Variants in PTPRD observed in about 807,000 individuals in gnomAD.
The protein encoded by PTPRD is receptor-type tyrosine-protein phosphatase delta.
Under a neutral mutation model 214.5 loss-of-function variants are expected in PTPRD, and 34 were observed. The ratio of observed to expected loss-of-function variants is 0.16; its 90% CI spans 0.12 to 0.21. The LOEUF is 0.21. PTPRD is among the 10% of genes least tolerant of loss of function. The pLI, the probability that PTPRD is intolerant of heterozygous loss-of-function variation, is 1.00. For synonymous variants in PTPRD, 1,128 were observed against 845.7 expected (o/e 1.33, Z -5.79); for missense variants, 2,545 against 2,398.7 (o/e 1.06, Z -1.27).
At chr9:9,021,849 T>C (rs976604649) in intron 10 of PTPRD, among the ~76,000 whole-genome samples, 1 of 152,180 alleles carries the variant, frequency 6.6e-6, no homozygotes, top group Non-Finnish European at 1.5e-5. Context: ...CAATGTGTGC[T>C]TTAAGCTAAG....
intron 8 of PTPRD, among the ~76,000 whole-genome samples, chr9:9,438,816 G>A (rs939352780): frequency 6.6e-6 from 1 of 152,062 alleles, no homozygotes; most frequent in African/African-American, 2.4e-5. Context: ...TTCTTTCAAA[G>A]TATAAATGCA....
chr9:9,971,860 T>C (rs2095120565), intron 4 of PTPRD, among the ~76,000 whole-genome samples: 1 of 152,180 alleles, frequency 6.6e-6, no homozygotes, highest in South Asian at 2.1e-4. Context: ...ATATTTGGGA[T>C]GGGTCACAAA....
chr9:8,513,738 C>T (rs755409360), intron 21 of PTPRD, among the ~76,000 whole-genome samples: 20 of 151,960 alleles, frequency 1.3e-4, no homozygotes, highest in Non-Finnish European at 2.1e-4. Flanking sequence ...AGGAGCAGCT[C>T]GGCATTAATT....
chr9:10,060,568 T>C (rs1296328419), intron 3 of PTPRD, among the ~76,000 whole-genome samples: 3 of 152,030 alleles, frequency 2.0e-5, no homozygotes, highest in Non-Finnish European at 2.9e-5. Context: ...CAAAGTATTT[T>C]TTTAATGTAC....
At chr9:8,345,072 G>A (rs10118873) in intron 39 of PTPRD, among the ~76,000 whole-genome samples, 139,252 of 152,024 alleles carry the variant, frequency 0.92, 63,808 homozygotes, top group East Asian at 0.94. Flanking sequence ...TCTTGCTTTC[G>A]TCTACTCTCT....
chr9:8,616,276 G>A (rs2063183489), intron 14 of PTPRD, among the ~76,000 whole-genome samples: 2 of 152,074 alleles, frequency 1.3e-5, no homozygotes, highest in Non-Finnish European at 2.9e-5. Context: ...AAGCTTATGG[G>A]AATGTCGAGA....
chr9:9,334,607 C>T (rs1307650445), intron 9 of PTPRD, among the ~76,000 whole-genome samples: 2 of 151,964 alleles, frequency 1.3e-5, no homozygotes, highest in Non-Finnish European at 2.9e-5. Flanking sequence ...CTCCTTATCT[C>T]TCTGTGCCTG....
At chr9:9,984,217 G>T (rs1042495244) in intron 4 of PTPRD, among the ~76,000 whole-genome samples, 1 of 152,106 alleles carries the variant, frequency 6.6e-6, no homozygotes, top group Non-Finnish European at 1.5e-5. Flanking sequence ...GTCTGATCAT[G>T]AGAAAGAAAC....
intron 3 of PTPRD, among the ~76,000 whole-genome samples, chr9:10,293,149 T>C (rs2095576949): frequency 6.6e-6 from 1 of 151,930 alleles, no homozygotes; most frequent in Non-Finnish European, 1.5e-5. Flanking sequence ...AATTTCATTC[T>C]TGAAATCTCT....
chr9:10,553,988 T>C (rs1169005116), intron 2 of PTPRD, among the ~76,000 whole-genome samples: 1 of 152,208 alleles, frequency 6.6e-6, no homozygotes, highest in Non-Finnish European at 1.5e-5. Context: ...TAATATCCCC[T>C]TTATTATATT....
chr9:9,400,356 T>C (rs556602980), intron 8 of PTPRD, among the ~76,000 whole-genome samples: 1 of 152,048 alleles, frequency 6.6e-6, no homozygotes, highest in South Asian at 2.1e-4. Context: ...AATATTTAAA[T>C]GTCCCCAGTA....
At chr9:9,782,044 G>C (rs2098848420) in intron 5 of PTPRD, among the ~76,000 whole-genome samples, 1 of 152,008 alleles carries the variant, frequency 6.6e-6, no homozygotes, top group African/African-American at 2.4e-5. Flanking sequence ...TGCCGTCTCA[G>C]CCTCCCAAAG....
At chr9:8,643,338 G>C (rs533843520) in intron 12 of PTPRD, among the ~76,000 whole-genome samples, 73 of 151,790 alleles carry the variant, frequency 4.8e-4, no homozygotes, top group Middle Eastern at 6.8e-3. Context: ...AGTAATATAG[G>C]TATTAGGAAG....
chr9:10,143,307 T>TAAAAAAA (rs2099000190), intron 3 of PTPRD, among the ~76,000 whole-genome samples: 1 of 133,614 alleles, frequency 7.5e-6, no homozygotes, highest in African/African-American at 2.7e-5. Flanking sequence ...AATAAAAAAA[T>TAAAAAAA]AAATGCTCAT....
chr9:8,328,698 C>T (rs1018835992), intron 44 of PTPRD, among the ~76,000 whole-genome samples: 1 of 151,760 alleles, frequency 6.6e-6, no homozygotes, highest in African/African-American at 2.4e-5. Context: ...TTCATATAGT[C>T]CCATATTTCT....
At chr9:10,294,243 A>G (rs553086867) in intron 3 of PTPRD, among the ~76,000 whole-genome samples, 2 of 151,926 alleles carry the variant, frequency 1.3e-5, no homozygotes, top group East Asian at 1.9e-4. Context: ...CTAAACCTCA[A>G]ATGAGTTGAT....
intron 9 of PTPRD, among the ~76,000 whole-genome samples, chr9:9,357,324 T>G (rs775274247): frequency 2.6e-5 from 4 of 151,382 alleles, no homozygotes; most frequent in Non-Finnish European, 5.9e-5. Flanking sequence ...CTGCTTCTAC[T>G]CATGGACCTT....
intron 12 of PTPRD, among the ~76,000 whole-genome samples, chr9:8,715,496 G>A (rs4740958): frequency 0.084 from 12,830 of 152,186 alleles, 1,427 homozygotes; most frequent in African/African-American, 0.26. Flanking sequence ...GCTCAGAGAG[G>A]TTAACAAACT....
chr9:9,246,968 T>C (rs112626389), intron 9 of PTPRD, among the ~76,000 whole-genome samples: 6 of 145,952 alleles, frequency 4.1e-5, no homozygotes, highest in African/African-American at 1.5e-4. Context: ...GACCTTCTCC[T>C]GCCCTTCTGT....
Sources: gnomAD v4.1 joint callset for allele counts (sites outside exome capture counted in the v4.1 genomes callset) on GRCh38, gnomAD v4.1.1 for gene constraint, MANE v1.5 for transcripts, NCBI Gene and HGNC (gene_info 2026-07-23, HGNC 2026-07-21) for gene names.